Variants in PARVA observed in about 807,000 individuals in gnomAD.
PARVA encodes the protein parvin alpha, also known as alpha-parvin.
In PARVA, 25 loss-of-function variants were observed where a neutral mutation model predicts 52.6. The ratio of observed to expected loss-of-function variants is 0.48; its 90% CI spans 0.35 to 0.66. The LOEUF (loss-of-function observed/expected upper bound fraction) is 0.66. Among genes scored for constraint, PARVA ranks in the 30% least tolerant of loss-of-function variants. The pLI is 0.01. For synonymous variants in PARVA, 185 were observed against 179.1 expected (o/e 1.03, Z -0.26); for missense variants, 373 against 450.9 (o/e 0.83, Z 1.56).
At chr11:12,384,524 C>A (rs1034364298) in intron 1 of PARVA, among the ~76,000 whole-genome samples, 13 of 152,022 alleles carry the variant, frequency 8.6e-5, no homozygotes, top group Non-Finnish European at 1.9e-4. Flanking sequence ...TGCTAGAGAG[C>A]AGAATAAAGC....
chr11:12,433,038 A>G (rs1940336961), intron 1 of PARVA, among the ~76,000 whole-genome samples: 1 of 152,246 alleles, frequency 6.6e-6, no homozygotes, highest in Non-Finnish European at 1.5e-5. Context: ...ATACCCATAG[A>G]AGAAGCTAGG....
intron 1 of PARVA, among the ~76,000 whole-genome samples, chr11:12,467,046 G>C (rs772791447): frequency 3.9e-5 from 6 of 151,948 alleles, no homozygotes; most frequent in Non-Finnish European, 7.4e-5. Context: ...AGATCATCTG[G>C]GTTTTATAAT....
intron 5 of PARVA, among the ~76,000 whole-genome samples, chr11:12,502,870 TA>T (rs1384381605): frequency 1.3e-5 from 2 of 152,178 alleles, no homozygotes; most frequent in Non-Finnish European, 2.9e-5. Context: ...TAGGTTCTGT[TA>T]CCTCCATTTG....
At chr11:12,411,576 C>G (rs976674863) in intron 1 of PARVA, among the ~76,000 whole-genome samples, 1 of 152,080 alleles carries the variant, frequency 6.6e-6, no homozygotes, top group African/African-American at 2.4e-5. Context: ...TTTTTACTTT[C>G]CTTGTTTTTG....
At chr11:12,518,212 TA>T (rs1941594742) in intron 11 of PARVA, among the ~76,000 whole-genome samples, 1 of 152,030 alleles carries the variant, frequency 6.6e-6, no homozygotes, top group African/African-American at 2.4e-5. Flanking sequence ...AGGAACACAG[TA>T]GGATATGAAG....
intron 4 of PARVA, among the ~76,000 whole-genome samples, chr11:12,490,215 CA>C (rs34941352): frequency 0.71 from 75,883 of 107,608 alleles, 27,329 homozygotes; most frequent in Non-Finnish European, 0.82. Context: ...GACTCAGTCT[CA>C]AAAAAAAAAA....
Position 12,514,022 on chromosome 11 carries a change from A to G in PARVA, c.824A>G (p.His275Arg). 1 of 1,614,068 alleles carries G rather than the reference A, an allele frequency of 6.2e-7. No individual in the cohort carries two copies. Among genetic ancestry groups the G allele is most frequent in the Non-Finnish European group, 8.5e-7 (1 of 1,179,942 alleles). The change falls in exon 10 of 13, where the codon CAC becomes CGC. Residue 275 changes from histidine to arginine, a missense_variant. Coordinates refer to ENST00000334956, the MANE Select transcript of PARVA (RefSeq NM_018222.5). ...ACACTCATCACTTTCGTGAACAAGC[A>G]CCTGAATAAACTGAACCTGGAGGTC... ...KKTLITFVNK[H>R]LNKLNLEVTE...
chr11:12,464,711 T>G (rs1940830948), intron 1 of PARVA, among the ~76,000 whole-genome samples: 1 of 152,188 alleles, frequency 6.6e-6, no homozygotes, highest in African/African-American at 2.4e-5. Context: ...TTACTCCTTG[T>G]TAGGGTTTGA....
At chr11:12,458,787 GA>G (rs1008353188) in intron 1 of PARVA, among the ~76,000 whole-genome samples, 7 of 152,028 alleles carry the variant, frequency 4.6e-5, no homozygotes, top group Non-Finnish European at 8.8e-5. Flanking sequence ...GCACAGCCTG[GA>G]AGTGTGGAGA....
intron 1 of PARVA, among the ~76,000 whole-genome samples, chr11:12,419,336 C>T (rs999886151): frequency 6.6e-6 from 1 of 151,482 alleles, no homozygotes; most frequent in Non-Finnish European, 1.5e-5. Flanking sequence ...AATCTGAGTA[C>T]TCTTGGTACC....
intron 1 of PARVA, among the ~76,000 whole-genome samples, chr11:12,418,769 G>A (rs923355493): frequency 6.6e-6 from 1 of 152,170 alleles, no homozygotes; most frequent in African/African-American, 2.4e-5. Flanking sequence ...AGTGGAAGTG[G>A]GGAGTTGAAG....
At chr11:12,513,437 T>A in intron 9 of PARVA, 77 bp downstream of exon 9, 1 of 1,326,616 alleles carries the variant, frequency 7.5e-7, no homozygotes, top group African/African-American at 1.4e-5. Flanking sequence ...CCCTGCAGCT[T>A]GCGAGCTTCC....
At position 12,514,068 on chromosome 11, in the gene PARVA, G is replaced by T; in HGVS notation, c.867+3G>T. 6.2e-7 allele frequency: 1 copy of T among 1,611,776 alleles called. No homozygotes were observed. The highest frequency in any genetic ancestry group is 8.5e-7 in the Non-Finnish European group (1 of 1,177,946). ...AGGTCACAGAACTGGAAACCCAGGT[G>T]GGTGACAGACCCCAGCACAGGTAGA... On this transcript the variant is annotated splice_donor_region_variant and intron_variant, in intron 10 of 12. Transcript: ENST00000334956.
chr11:12,425,254 C>G (rs1404616294), intron 1 of PARVA, among the ~76,000 whole-genome samples: 1 of 152,180 alleles, frequency 6.6e-6, no homozygotes, highest in African/African-American at 2.4e-5. Flanking sequence ...ATTAGTTCAG[C>G]AAGCACTGCT....
At chr11:12,517,002 T>C (rs1208951794) in intron 10 of PARVA, among the ~76,000 whole-genome samples, 1 of 152,108 alleles carries the variant, frequency 6.6e-6, no homozygotes, top group Non-Finnish European at 1.5e-5. Context: ...CAGCCCTGTG[T>C]GACACTAGTC....
intron 1 of PARVA, among the ~76,000 whole-genome samples, chr11:12,400,269 A>T (rs755989921): frequency 1.3e-5 from 2 of 150,376 alleles, no homozygotes; most frequent in African/African-American, 2.5e-5. Flanking sequence ...AACAACTTTA[A>T]TTGTTTTTAT....
Position 12,527,977 on chromosome 11 carries a change from G to A in PARVA, c.*52G>A. 7.6e-7 allele frequency: 1 copy of A among 1,321,362 alleles called. No individual in the cohort carries two copies. Among genetic ancestry groups the A allele is most frequent in the East Asian group, 2.3e-5 (1 of 43,566 alleles). 81.9% of individuals were successfully genotyped at this position (1,321,362 alleles called of 1,614,324 possible). A position where few individuals can be genotyped will look rare whatever the true frequency, so the allele number is the denominator to read the frequency against. On this transcript the variant is annotated 3_prime_UTR_variant, in exon 13 of 13. Coordinates refer to ENST00000334956, the MANE Select transcript of PARVA (RefSeq NM_018222.5). ...CAAGAGTTCTTGCTGTTGGCGTACT[G>A]GACCCTCCTCCGAACTGCCTTACCC...
At chr11:12,496,866 A>T (rs537001806) in intron 5 of PARVA, among the ~76,000 whole-genome samples, 1 of 152,210 alleles carries the variant, frequency 6.6e-6, no homozygotes, top group Non-Finnish European at 1.5e-5. Flanking sequence ...GAAGGGAAGG[A>T]AACTCATTCA....
chr11:12,496,388 G>GT (rs11406960), intron 4 of PARVA, 70 bp from the exon 5 acceptor site: 616,212 of 1,484,194 alleles, frequency 0.42, 136,074 homozygotes, highest in Non-Finnish European at 0.45. Flanking sequence ...GAATAACTGA[G>GT]TAAGTGCATG....
Sources: allele counts gnomAD v4.1 joint callset (sites outside exome capture counted in the v4.1 genomes callset), GRCh38; gene constraint gnomAD v4.1.1; transcripts MANE v1.5; gene names NCBI Gene and HGNC (gene_info 2026-07-23, HGNC 2026-07-21).